The following LOXL2 variants were observed in gnomAD, a reference collection of about 807,000 sequenced individuals.
The protein encoded by LOXL2 is lysyl oxidase like 2.
A neutral mutation model predicts 93.0 loss-of-function variants in LOXL2; 70 were observed. That is an observed-to-expected ratio of 0.75 (90% CI 0.62 to 0.92). LOXL2 has a LOEUF of 0.92. LOXL2 is among the 40% of genes least tolerant of loss of function. The pLI, the probability that LOXL2 is intolerant of heterozygous loss-of-function variation, is 0.00. For missense variants in LOXL2, 973 were observed against 1,054.9 expected (o/e 0.92, Z 1.08); for synonymous variants, 438 against 413.2 (o/e 1.06, Z -0.73).
At chr8:23,327,406 T>C (rs1803596552) in intron 6 of LOXL2, among the ~76,000 whole-genome samples, 1 of 152,168 alleles carries the variant, frequency 6.6e-6, no homozygotes, top group African/African-American at 2.4e-5. Flanking sequence ...CACATTCCTT[T>C]CTGTGGGGTG....
At chr8:23,361,008 C>A (rs948101448) in intron 2 of LOXL2, among the ~76,000 whole-genome samples, 197 of 151,956 alleles carry the variant, frequency 1.3e-3, no homozygotes, top group African/African-American at 4.4e-3. Context: ...TCAAGTGATT[C>A]CCCTGCCTCA....
At chr8:23,368,455 G>T (rs1039660016) in intron 1 of LOXL2, 21 bp from the exon 2 acceptor site, 3 of 921,772 alleles carry the variant, frequency 3.3e-6, no homozygotes, top group Admixed American at 2.0e-5. Flanking sequence ...GGAGAGATGC[G>T]TTAGGATGGG....
intron 2 of LOXL2, among the ~76,000 whole-genome samples, chr8:23,362,013 T>C (rs192162491): frequency 6.6e-5 from 10 of 152,246 alleles, no homozygotes; most frequent in African/African-American, 2.4e-4. Context: ...TACCATATGA[T>C]CCAGCAAAAG....
At chr8:23,299,841 C>T (rs999562168) in intron 12 of LOXL2, among the ~76,000 whole-genome samples, 1 of 152,216 alleles carries the variant, frequency 6.6e-6, no homozygotes, top group Admixed American at 6.5e-5. Flanking sequence ...TTTAGCAGGC[C>T]GCTGGGCTTG....
At chr8:23,396,195 G>T (rs529846001) in intron 1 of LOXL2, among the ~76,000 whole-genome samples, 95 of 152,000 alleles carry the variant, frequency 6.3e-4, no homozygotes, top group Non-Finnish European at 7.8e-4. Flanking sequence ...GCACATGCCT[G>T]TAATCCCAGC....
intron 1 of LOXL2, among the ~76,000 whole-genome samples, chr8:23,400,408 C>T (rs576723174): frequency 2.6e-5 from 4 of 151,986 alleles, no homozygotes; most frequent in South Asian, 2.1e-4. Flanking sequence ...CCATATCTCA[C>T]GAGATTTACT....
intron 4 of LOXL2, 23 bp downstream of exon 4, chr8:23,340,969 C>T: frequency 6.3e-7 from 1 of 1,599,856 alleles, no homozygotes; most frequent in Middle Eastern, 1.7e-4. Flanking sequence ...CTCAAAGCCA[C>T]CCCTTTGGTG....
chr8:23,339,878 G>A (rs6992920), intron 4 of LOXL2, among the ~76,000 whole-genome samples: 1,693 of 152,308 alleles, frequency 0.011, 32 homozygotes, highest in African/African-American at 0.039. Context: ...AGGGGCTGGG[G>A]GCTGGGACAA....
chr8:23,325,987 A>T (rs1186184847), intron 6 of LOXL2, among the ~76,000 whole-genome samples: 1 of 152,236 alleles, frequency 6.6e-6, no homozygotes, highest in African/African-American at 2.4e-5. Context: ...TCACCAAGCA[A>T]GCAGGTGGCT....
At chr8:23,307,122 T>G (rs566376892) in intron 10 of LOXL2, among the ~76,000 whole-genome samples, 7 of 152,296 alleles carry the variant, frequency 4.6e-5, no homozygotes, top group African/African-American at 1.7e-4. Flanking sequence ...CTTCAGAGTG[T>G]CTGCAAATCT....
At chr8:23,372,420 G>T (rs1407662732) in intron 1 of LOXL2, among the ~76,000 whole-genome samples, 1 of 152,028 alleles carries the variant, frequency 6.6e-6, no homozygotes, top group Non-Finnish European at 1.5e-5. Context: ...GTTTCACCAT[G>T]TTGGCCAGGC....
intron 12 of LOXL2, among the ~76,000 whole-genome samples, chr8:23,301,324 C>T (rs1252352225): frequency 6.6e-6 from 1 of 152,194 alleles, no homozygotes; most frequent in Non-Finnish European, 1.5e-5. Flanking sequence ...CCAGTTAGAG[C>T]CCTGGCCAGA....
chr8:23,398,772 G>C (rs964354153), intron 1 of LOXL2, among the ~76,000 whole-genome samples: 10 of 151,936 alleles, frequency 6.6e-5, no homozygotes, highest in African/African-American at 2.4e-4. Flanking sequence ...CAATCTTCCT[G>C]CCTCAGCCTC....
At chr8:23,374,928 G>A (rs1400104166) in intron 1 of LOXL2, among the ~76,000 whole-genome samples, 1 of 152,122 alleles carries the variant, frequency 6.6e-6, no homozygotes, top group African/African-American at 2.4e-5. Context: ...TTCTTTTGCT[G>A]TGCAGAAGCT....
Position 23,368,029 on chromosome 8 carries a change from C to G in LOXL2, c.323G>C (p.Trp108Ser). The G allele has an allele frequency of 1.2e-6, 2 of 1,613,728 alleles. No homozygotes were observed. Among genetic ancestry groups the G allele is most frequent in the Non-Finnish European group, 8.5e-7 (1 of 1,179,984 alleles). ...CTTGCCGTAGGAGGAGCTGGCAGTC[C>G]AGGACTTGGCCTCCACGTAGCCCAG... ...RELGYVEAKS[W>S]TASSSYGKGE... Residue 108 changes from tryptophan to serine, a missense_variant, in exon 2 of 14, where the codon TGG becomes TCG. Transcript: ENST00000389131.
chr8:23,316,387 G>T (rs1349444664), intron 9 of LOXL2, among the ~76,000 whole-genome samples: 1 of 152,138 alleles, frequency 6.6e-6, no homozygotes, highest in Non-Finnish European at 1.5e-5. Context: ...GGCTGGGTTT[G>T]GGCTCAGGAG....
chr8:23,367,845 TG>T (rs1304100109), intron 2 of LOXL2, 151 bp downstream of exon 2: 6 of 664,958 alleles, frequency 9.0e-6, no homozygotes, highest in Non-Finnish European at 1.5e-5. Flanking sequence ...GCAGCCTGAG[TG>T]GGCACAGAAG....
At chr8:23,306,318 C>A (rs1362863698) in intron 10 of LOXL2, among the ~76,000 whole-genome samples, 1 of 152,216 alleles carries the variant, frequency 6.6e-6, no homozygotes, top group East Asian at 1.9e-4. Context: ...TCTTTTCCCA[C>A]CCCAGCCACG....
intron 8 of LOXL2, among the ~76,000 whole-genome samples, chr8:23,317,662 AGT>A (rs1487818244): frequency 6.6e-6 from 1 of 152,210 alleles, no homozygotes; most frequent in African/African-American, 2.4e-5. Context: ...TTAATAGAGT[AGT>A]TCTGCACAGA....
Sources: allele counts gnomAD v4.1 joint callset (sites outside exome capture counted in the v4.1 genomes callset), GRCh38; gene constraint gnomAD v4.1.1; transcripts MANE v1.5; gene names NCBI Gene and HGNC (gene_info 2026-07-23, HGNC 2026-07-21).